CNBP: variants seen among roughly 807,000 people sequenced by gnomAD.
CNBP encodes cellular nucleic acid-binding protein.
Under a neutral mutation model 21.2 loss-of-function variants are expected in CNBP, and 6 were observed. The ratio of observed to expected loss-of-function variants is 0.28; its 90% CI spans 0.16 to 0.56. The LOEUF is 0.56. CNBP is among the 20% of genes least tolerant of loss of function. The probability of loss-of-function intolerance (pLI) is 0.93; values close to 1 mark genes in which losing one functional copy is unlikely to be tolerated. For synonymous variants in CNBP, 61 were observed against 74.9 expected (o/e 0.81, Z 0.96); for missense variants, 112 against 233.1 (o/e 0.48, Z 3.38).
Position 129,169,356 on chromosome 3 carries a change from A to G in CNBP, c.*1097T>C, listed in dbSNP as rs376812164. ...GAACACAGAACTCAAGGGCATTATT[A>G]TAACAGATTACAAAGTGAATTTTCT... On this transcript the variant is annotated 3_prime_UTR_variant, in exon 5 of 5. Coordinates refer to ENST00000422453, the MANE Select transcript of CNBP (RefSeq NM_003418.5). The G allele has an allele frequency of 2.0e-4, 38 of 192,010 alleles. 1 individual carries two copies. The South Asian group carries it at 2.7e-3, about 14-fold the overall frequency. The allele number at this position is 192,010 out of a possible 1,614,324, so 11.9% of individuals were successfully genotyped here.
intron 4 of CNBP, 23 bp from the exon 5 acceptor site, chr3:129,170,593 T>C (rs371460218): frequency 1.1e-5 from 17 of 1,585,092 alleles, no homozygotes; most frequent in Non-Finnish European, 1.5e-5. Context: ...TTAAAAGTTT[T>C]CACAATGGGC....
At chr3:129,174,400 T>G (rs1329982999) in intron 1 of CNBP, among the ~76,000 whole-genome samples, 4 of 129,720 alleles carry the variant, frequency 3.1e-5, no homozygotes, top group African/African-American at 1.2e-4. Flanking sequence ...GCACGGTGGC[T>G]CACACCTGTA....
chr3:129,170,878 A>T (rs1395460768), intron 4 of CNBP, among the ~76,000 whole-genome samples: 1 of 152,314 alleles, frequency 6.6e-6, no homozygotes, highest in East Asian at 1.9e-4. Context: ...AAAACTGCCC[A>T]GGTACCATAA....
intron 2 of CNBP, 37 bp from the exon 3 acceptor site, chr3:129,171,575 A>C (rs1332867710): frequency 1.2e-6 from 2 of 1,613,888 alleles, no homozygotes; most frequent in Admixed American, 1.7e-5. Flanking sequence ...GGCTAGTCAG[A>C]CCAGTCTTGA....
chr3:129,178,283 C>G (rs33998744), intron 1 of CNBP, among the ~76,000 whole-genome samples: 3,587 of 151,844 alleles, frequency 0.024, 65 homozygotes, highest in Non-Finnish European at 0.039. Flanking sequence ...ATTAAAGAAA[C>G]CACAAATGGT....
chr3:129,174,370 A>AC (rs1398227776), intron 1 of CNBP, among the ~76,000 whole-genome samples: 1 of 150,044 alleles, frequency 6.7e-6, no homozygotes, highest in East Asian at 1.9e-4. Flanking sequence ...AAAAAAAAAA[A>AC]AAAACGAATG....
In CNBP at chr3:129,169,524, C is replaced by T. The variant is rs1265640105; in HGVS notation, c.*929G>A. The stretch of plus-strand genomic sequence containing the variant: ...TTCCCCTCTTTAATATGGTATTTTG[C>T]ACTATATACATTAATGAAAATTTGA... On this transcript the variant is annotated 3_prime_UTR_variant, in exon 5 of 5. Transcript: ENST00000422453. 4.9e-6 allele frequency: 1 copy of T among 202,660 alleles called. No individual in the cohort carries two copies. The highest frequency in any genetic ancestry group is 1.0e-5 in the Non-Finnish European group (1 of 98,562). The allele number at this position is 202,660 out of a possible 1,614,324, so 12.6% of individuals were successfully genotyped here.
chr3:129,174,888 A>C (rs573618438), intron 1 of CNBP, among the ~76,000 whole-genome samples: 1 of 152,206 alleles, frequency 6.6e-6, no homozygotes, highest in Admixed American at 6.5e-5. Flanking sequence ...TAAACAAGAT[A>C]CATCTCTTTT....
intron 1 of CNBP, among the ~76,000 whole-genome samples, chr3:129,181,651 G>GAAAAAAAAAAAAAAAAAAAAA (rs371274750): frequency 8.7e-6 from 1 of 115,342 alleles, no homozygotes; most frequent in Non-Finnish European, 1.7e-5. Context: ...CTCCGTCTCA[G>GAAAAAAAAAAAAAAAAAAAAA]AAAAAAAAAA....
rs1367375702 is a variant in CNBP at position 129,181,649 on chromosome 3, C to CAAAAAAAAAAAAAAAAAAA, written c.-15+2126_-15+2127insTTTTTTTTTTTTTTTTTTT. On this transcript the variant is annotated intron_variant, in intron 1 of 4. Transcript: ENST00000422453. ...TGGGCGACAGAGTGAGACTCCGTCTCAGAAAAAAAAAAAGAAAAACCCCTG... is the reference window on the plus strand; with the variant it reads ...TGGGCGACAGAGTGAGACTCCGTCTCAAAAAAAAAAAAAAAAAAAAGAAAAAAAAAAAGAAAAACCCCTG... 7.1e-3 allele frequency among the ~76,000 whole-genome samples: 512 copies of CAAAAAAAAAAAAAAAAAAA among 72,172 alleles called. 180 individuals carry two copies. The highest frequency in any genetic ancestry group is 0.016 in the African/African-American group (225 of 14,176). The allele number at this position is 72,172 out of a possible 152,430, so 47.3% of individuals were successfully genotyped here. A position where few individuals can be genotyped will look rare whatever the true frequency, so the allele number is the denominator to read the frequency against.
chr3:129,183,343 C>T, intron 1 of CNBP, among the ~76,000 whole-genome samples: 1 of 152,194 alleles, frequency 6.6e-6, no homozygotes, highest in East Asian at 1.9e-4. Context: ...CCCACCCCAT[C>T]CCCCCTTCAT....
chr3:129,170,181 C>T lies in CNBP; in HGVS notation c.*272G>A, dbSNP rs953142466. The stretch of plus-strand genomic sequence containing the variant: ...GCTTACTGGTCTGACTCAACTCTTC[C>T]CATTCATCAATCCCTATTCACCAGT... On this transcript the variant is annotated 3_prime_UTR_variant, in exon 5 of 5. Transcript: ENST00000422453. 1 of 398,490 alleles carries T rather than the reference C, an allele frequency of 2.5e-6. No homozygotes were observed. The highest frequency in any genetic ancestry group is 2.0e-5 in the African/African-American group (1 of 50,780). 24.7% of individuals were successfully genotyped at this position (398,490 alleles called of 1,614,324 possible). A position where few individuals can be genotyped will look rare whatever the true frequency, so the allele number is the denominator to read the frequency against.
chr3:129,171,056 C>T (rs1179218615), intron 4 of CNBP, 23 bp downstream of exon 4: 2 of 1,599,558 alleles, frequency 1.3e-6, no homozygotes, highest in Admixed American at 3.4e-5. Flanking sequence ...GAGTTTTCTT[C>T]TAACAACATT....
rs1465569787 is a variant in CNBP at position 129,178,750 on chromosome 3, T to TG, written c.-15+5025_-15+5026insC. Among the ~76,000 whole-genome samples, 6 of 121,228 alleles carry TG rather than the reference T, an allele frequency of 4.9e-5. No homozygotes were observed. In the East Asian group the frequency reaches 1.5e-3, roughly 31 times the overall value. The allele number at this position is 121,228 out of a possible 152,430, so 79.5% of individuals were successfully genotyped here. On this transcript the variant is annotated intron_variant, in intron 1 of 4. Transcript: ENST00000422453. The stretch of plus-strand genomic sequence containing the variant: ...CAACATGGTACTGAAACACTTCAGA[T>TG]TTTTTTTTTTTTTGAGACGGAGTCT...
Position 129,168,455 on chromosome 3 carries a change from G to A in CNBP, c.*1998C>T, listed in dbSNP as rs761506718. 5.4e-5 allele frequency among the ~76,000 whole-genome samples: 8 copies of A among 149,514 alleles called. No individual in the cohort carries two copies. The highest frequency in any genetic ancestry group is 1.0e-4 in the Non-Finnish European group (7 of 67,492). ...TACTAAAAATAACAAAAATTAGCTG[G>A]GTGTGGTGGCGGACACCTGTAATCC... On this transcript the variant is annotated 3_prime_UTR_variant, in exon 5 of 5. Coordinates refer to ENST00000422453, the MANE Select transcript of CNBP (RefSeq NM_003418.5).
intron 1 of CNBP, among the ~76,000 whole-genome samples, chr3:129,177,294 C>G (rs903319391): frequency 3.3e-5 from 5 of 152,114 alleles, no homozygotes; most frequent in African/African-American, 9.7e-5. Flanking sequence ...ACCTGATGTA[C>G]GTATACTGCA....
intron 1 of CNBP, among the ~76,000 whole-genome samples, chr3:129,175,698 G>A (rs1012392357): frequency 1.6e-4 from 25 of 152,120 alleles, no homozygotes; most frequent in Non-Finnish European, 4.4e-5. Context: ...AAAGTGTTAG[G>A]ATTACAGGCG....
intron 1 of CNBP, among the ~76,000 whole-genome samples, chr3:129,175,575 G>A (rs1462750505): frequency 2.6e-5 from 4 of 151,690 alleles, no homozygotes; most frequent in African/African-American, 9.7e-5. Flanking sequence ...GACTACAGGC[G>A]TGCACCACCA....
At position 129,171,765 on chromosome 3, in the gene CNBP, G is replaced by A; in HGVS notation, c.-8C>T. 6.2e-7 allele frequency: 1 copy of A among 1,611,098 alleles called. No homozygotes were observed. Among genetic ancestry groups the A allele is most frequent in the African/African-American group, 1.3e-5 (1 of 74,922 alleles). On this transcript the variant is annotated 5_prime_UTR_variant, in exon 2 of 5. Transcript: ENST00000422453. Reference sequence around the variant, plus strand: ...GCACTCATTGCTGCTCATGGCTGCAGTCAGATCTTTGAAATATTAAAAGTA... The same window carrying A: ...GCACTCATTGCTGCTCATGGCTGCAATCAGATCTTTGAAATATTAAAAGTA...
Sources: allele counts gnomAD v4.1 joint callset (sites outside exome capture counted in the v4.1 genomes callset), GRCh38; gene constraint gnomAD v4.1.1; transcripts MANE v1.5; gene names NCBI Gene and HGNC (gene_info 2026-07-23, HGNC 2026-07-21).